Variants in KALRN observed in about 807,000 individuals in gnomAD.
KALRN encodes kalirin RhoGEF kinase.
Under a neutral mutation model 353.7 loss-of-function variants are expected in KALRN, and 70 were observed. That is an observed-to-expected ratio of 0.20 (90% confidence interval 0.16 to 0.24). The LOEUF (loss-of-function observed/expected upper bound fraction) is 0.24, where lower values mean the gene tolerates loss of function less well. KALRN is among the 10% of genes least tolerant of loss of function. The pLI is 1.00. For synonymous variants in KALRN, 1,391 were observed against 1,434.8 expected, an observed-to-expected ratio of 0.97 and a Z score of 0.69; for missense variants, 2,791 against 3,756.7, an observed-to-expected ratio of 0.74 and a Z score of 6.72.
intron 1 of KALRN, among the ~76,000 whole-genome samples, chr3:124,091,857 C>T (rs886171546): frequency 6.6e-6 from 1 of 152,212 alleles, no homozygotes. Flanking sequence ...GTGTCCTGGC[C>T]AATATCCTTT....
intron 16 of KALRN, among the ~76,000 whole-genome samples, chr3:124,431,857 A>T (rs1365170880): frequency 2.0e-5 from 3 of 152,210 alleles, no homozygotes. Context: ...ACCATCTTGG[A>T]TGTATAAACA....
chr3:124,106,296 A>C (rs2149464284), intron 1 of KALRN, among the ~76,000 whole-genome samples: 1 of 152,364 alleles, frequency 6.6e-6, no homozygotes, highest in African/African-American at 2.4e-5. Context: ...TATTCTTAAA[A>C]AAGAACAGGC....
intron 14 of KALRN, among the ~76,000 whole-genome samples, chr3:124,417,202 A>C (rs982741304): frequency 8.5e-5 from 13 of 152,214 alleles, no homozygotes; most frequent in Non-Finnish European, 1.9e-4. Flanking sequence ...ATGCTGGCTG[A>C]ATTCAAGGTC....
At chr3:124,506,412 T>C (rs1336254019) in intron 33 of KALRN, among the ~76,000 whole-genome samples, 3 of 152,236 alleles carry the variant, frequency 2.0e-5, no homozygotes, top group Admixed American at 1.3e-4. Flanking sequence ...GTCTCTCCCA[T>C]TTGTAGGAAC....
At chr3:124,526,421 C>G (rs1395545747) in intron 33 of KALRN, among the ~76,000 whole-genome samples, 1 of 151,726 alleles carries the variant, frequency 6.6e-6, no homozygotes, top group African/African-American at 2.4e-5. Flanking sequence ...AAAAAAGATA[C>G]AAAAATTACC....
At chr3:124,497,606 T>G (rs2064006612) in intron 33 of KALRN, among the ~76,000 whole-genome samples, 1 of 152,210 alleles carries the variant, frequency 6.6e-6, no homozygotes, top group African/African-American at 2.4e-5. Context: ...TTAAGCCATT[T>G]TCTACTGACT....
chr3:124,235,639 T>C (rs1485912206), intron 3 of KALRN, among the ~76,000 whole-genome samples: 1 of 150,632 alleles, frequency 6.6e-6, no homozygotes, highest in East Asian at 2.2e-4. Context: ...ATGTGTGTGG[T>C]TCACAAGGGT....
intron 1 of KALRN, among the ~76,000 whole-genome samples, chr3:124,103,485 G>A (rs576337621): frequency 7.2e-5 from 11 of 152,322 alleles, no homozygotes; most frequent in African/African-American, 2.6e-4. Context: ...TCTTCACCTT[G>A]TGGACAGAGG....
At chr3:124,605,864 C>T (rs558496727) in intron 34 of KALRN, among the ~76,000 whole-genome samples, 1 of 152,302 alleles carries the variant, frequency 6.6e-6, no homozygotes, top group South Asian at 2.1e-4. Context: ...GCACTTGGAT[C>T]TGCCTCCATC....
intron 1 of KALRN, among the ~76,000 whole-genome samples, chr3:124,077,059 G>A (rs2060293318): frequency 6.6e-6 from 1 of 152,206 alleles, no homozygotes; most frequent in Non-Finnish European, 1.5e-5. Flanking sequence ...TAAGCTTCTG[G>A]TCCAAGGTTA....
chr3:124,111,245 A>G (rs1036324306), intron 1 of KALRN, among the ~76,000 whole-genome samples: 1 of 152,198 alleles, frequency 6.6e-6, no homozygotes, highest in African/African-American at 2.4e-5. Flanking sequence ...CCGTAACTCC[A>G]TATGTTACAT....
At chr3:124,520,403 T>A (rs1052275916) in intron 33 of KALRN, among the ~76,000 whole-genome samples, 9 of 152,154 alleles carry the variant, frequency 5.9e-5, no homozygotes, top group African/African-American at 1.9e-4. Context: ...TATATATATC[T>A]CTGAAGGTAG....
chr3:124,671,355 C>T (rs545833042), intron 47 of KALRN, among the ~76,000 whole-genome samples: 1 of 152,298 alleles, frequency 6.6e-6, no homozygotes, highest in Admixed American at 6.5e-5. Flanking sequence ...TTCCTTCCTG[C>T]AGCCTAAGTG....
Position 124,603,996 on chromosome 3 carries a change from G to C in KALRN, c.5183-28424G>C, listed in dbSNP as rs192292958. 6.6e-5 allele frequency among the ~76,000 whole-genome samples: 10 copies of C among 152,222 alleles called. No individual in the cohort carries two copies. The East Asian group carries it at 9.7e-4, about 15-fold the overall frequency. ...GAGTGAACAACATCAGCTCACACAT[G>C]TGATTCTGTGTTGCATGCTTTGGAC... On this transcript the variant is annotated intron_variant, in intron 34 of 59. Coordinates refer to ENST00000682506, the MANE Select transcript of KALRN (RefSeq NM_001388419.1).
At chr3:124,560,663 A>G (rs1462964260) in intron 33 of KALRN, among the ~76,000 whole-genome samples, 1 of 152,196 alleles carries the variant, frequency 6.6e-6, no homozygotes, top group Admixed American at 6.5e-5. Context: ...GGAGTTCAAG[A>G]AAAACATAGT....
chr3:124,525,099 GT>G (rs1261389375), intron 33 of KALRN, among the ~76,000 whole-genome samples: 15 of 152,214 alleles, frequency 9.9e-5, no homozygotes, highest in Non-Finnish European at 1.5e-4. Flanking sequence ...CCTGAAGAGA[GT>G]TTTCTCAGCA....
chr3:124,441,340 A>G (rs2093659385), intron 18 of KALRN, among the ~76,000 whole-genome samples: 1 of 152,232 alleles, frequency 6.6e-6, no homozygotes, highest in Non-Finnish European at 1.5e-5. Flanking sequence ...GAAGGAGACG[A>G]GAGGTGGCTC....
At chr3:124,622,951 G>A (rs568398843) in intron 34 of KALRN, among the ~76,000 whole-genome samples, 1 of 152,088 alleles carries the variant, frequency 6.6e-6, no homozygotes, top group Non-Finnish European at 1.5e-5. Flanking sequence ...GTGTAACATT[G>A]AAGTAAGTAT....
intron 1 of KALRN, among the ~76,000 whole-genome samples, chr3:124,115,855 T>C (rs2063409392): frequency 6.6e-6 from 1 of 152,214 alleles, no homozygotes; most frequent in African/African-American, 2.4e-5. Flanking sequence ...GAATTTAAAT[T>C]GGTTTCCTGA....
Sources: gnomAD v4.1 joint callset for allele counts (sites outside exome capture counted in the v4.1 genomes callset) on GRCh38, gnomAD v4.1.1 for gene constraint, MANE v1.5 for transcripts, NCBI Gene and HGNC (gene_info 2026-07-23, HGNC 2026-07-21) for gene names.